HPS4: variants seen among roughly 807,000 people sequenced by gnomAD.
The protein encoded by HPS4 is HPS4 biogenesis of lysosomal organelles complex 3 subunit 2, also known as BLOC-3 complex member HPS4.
In HPS4, 44 loss-of-function variants were observed where a neutral mutation model predicts 70.3. The observed-to-expected ratio is 0.63, with a 90% confidence interval of 0.49 to 0.80. HPS4 has a LOEUF of 0.80. HPS4 is among the 30% of genes least tolerant of loss of function. HPS4 has a pLI of 0.00. For missense variants in HPS4, 873 were observed against 884.4 expected, an observed-to-expected ratio of 0.99 and a Z score of 0.16; for synonymous variants, 377 against 355.9, an observed-to-expected ratio of 1.06 and a Z score of -0.67.
rs1006587678 is a variant in HPS4, at chr22:26,451,536, T to C, written c.*1697A>G. ...AATCCAGGTGCATGAGACTTTTCCA[T>C]ATACACGGATAGGCTTTGTACGGTT... is the stretch of plus-strand genomic sequence containing the variant. On this transcript the variant is annotated 3_prime_UTR_variant, in exon 14 of 14. Coordinates refer to ENST00000398145, the MANE Select transcript of HPS4 (RefSeq NM_022081.6). 6.6e-6 allele frequency: 1 copy of C among 152,202 alleles called. No homozygotes were observed. The allele number at this position is 152,202 out of a possible 1,614,324, so 9.4% of individuals were successfully genotyped here. A position where few individuals can be genotyped will look rare whatever the true frequency, so the allele number is the denominator to read the frequency against.
intron 7 of HPS4, among the ~76,000 whole-genome samples, chr22:26,469,433 G>GC (rs1434995776): frequency 7.2e-5 from 11 of 152,066 alleles, no homozygotes; most frequent in Admixed American, 5.9e-4. Context: ...GGGCAACAAA[G>GC]CAAGACTGTG....
intron 6 of HPS4, 77 bp downstream of exon 6, chr22:26,472,225 C>A (rs1038131874): frequency 2.3e-5 from 21 of 919,960 alleles, no homozygotes; most frequent in Non-Finnish European, 3.8e-5. Flanking sequence ...AGATATAGTT[C>A]ACTTCAGGAA....
At chr22:26,466,539 T>C (rs2088657235) in intron 8 of HPS4, 1 of 560,934 alleles carries the variant, frequency 1.8e-6, no homozygotes. Flanking sequence ...ATTTTCTCAG[T>C]CTCTCTCCCT....
Position 26,481,717 on chromosome 22 carries a change from C to T in HPS4, c.41+5G>A, listed in dbSNP as rs779915694. On this transcript the variant is annotated splice_donor_5th_base_variant and intron_variant, in intron 2 of 13. Coordinates refer to ENST00000398145, the MANE Select transcript of HPS4 (RefSeq NM_022081.6). ...AGCTATGCCATGGCAGGCCTTGTTA[C>T]TCACCACGAGGCTGACTTTGCCTCT... 4.3e-6 allele frequency: 7 copies of T among 1,613,886 alleles called. No homozygotes were observed. Among genetic ancestry groups the T allele is most frequent in the Non-Finnish European group, 5.9e-6 (7 of 1,179,822 alleles).
chr22:26,464,692 G>T lies in HPS4; in HGVS notation c.938C>A (p.Ser313Tyr), dbSNP rs778237328. The T allele has an allele frequency of 1.2e-6, 2 of 1,609,486 alleles. No individual in the cohort carries two copies. The highest frequency in any genetic ancestry group is 1.7e-6 in the Non-Finnish European group (2 of 1,176,516). Residue 313 changes from serine to tyrosine, a missense_variant, in exon 11 of 14, where the codon TCC (serine) becomes TAC (tyrosine). Transcript: ENST00000398145. ...SMAWTTPDPT[S>Y]PDEACPDGRK... ...GCCATCTGGACAAGCTTCGTCAGGG[G>T]ATGTGGGATCTGGGGTGGTCCAGGC... is the stretch of plus-strand genomic sequence containing the variant.
At chr22:26,479,892 CG>C (rs1174127153) in intron 2 of HPS4, among the ~76,000 whole-genome samples, 1 of 152,080 alleles carries the variant, frequency 6.6e-6, no homozygotes, top group African/African-American at 2.4e-5. Flanking sequence ...TCCAAAAGTT[CG>C]TAACAGGGAA....
At position 26,451,994 on chromosome 22, in the gene HPS4, GCGCGCGCGCGCACACACACACACACA is replaced by G. The variant is rs1348248444; in HGVS notation, c.*1213_*1238del. 39 of 71,846 alleles carry G rather than the reference GCGCGCGCGCGCACACACACACACACA, an allele frequency of 5.4e-4. No individual in the cohort carries two copies. Among genetic ancestry groups the G allele is most frequent in the African/African-American group, 1.8e-3 (33 of 18,032 alleles). 4.5% of individuals were successfully genotyped at this position (71,846 alleles called of 1,614,324 possible). A position where few individuals can be genotyped will look rare whatever the true frequency, so the allele number is the denominator to read the frequency against. ...AGGGATGCGCCCACGTTACGCGCGC[GCGCGCGCGCGCACACACACACACACA>G]CACACACACACACACACACACACTG... On this transcript the variant is annotated 3_prime_UTR_variant, in exon 14 of 14. Coordinates refer to ENST00000398145, the MANE Select transcript of HPS4 (RefSeq NM_022081.6).
chr22:26,466,161 G>T (rs1265335049), intron 9 of HPS4, 65 bp downstream of exon 9: 6 of 1,610,824 alleles, frequency 3.7e-6, no homozygotes, highest in Non-Finnish European at 5.1e-6. Flanking sequence ...CGCATAACTT[G>T]TACAGGGGTA....
In HPS4 at chr22:26,477,062, G is replaced by A. The variant is rs1215916691; in HGVS notation, c.207C>T (p.Asp69=). ...TCAGACGAACAAGAGTAGGAGGAGA[G>A]TCAGAAATGTCAGAAACACAGCGGA... is the stretch of plus-strand genomic sequence containing the variant. ...GVVRCVSDIS[D]SPPTLVRLRK... The change falls in exon 4 of 14, where the codon GAC becomes GAT. Residue 69 remains aspartate, a synonymous_variant. Coordinates refer to ENST00000398145, the MANE Select transcript of HPS4 (RefSeq NM_022081.6). 2 of 1,614,026 alleles carry A rather than the reference G, an allele frequency of 1.2e-6. No individual in the cohort carries two copies. The highest frequency in any genetic ancestry group is 1.7e-6 in the Non-Finnish European group (2 of 1,179,968).
chr22:26,458,337 C>T, intron 12 of HPS4, 108 bp downstream of exon 12: 1 of 1,423,788 alleles, frequency 7.0e-7, no homozygotes, highest in Non-Finnish European at 9.9e-7. Flanking sequence ...GCAGGTCAGA[C>T]AACTCTGTGC....
intron 9 of HPS4, 154 bp from the exon 10 acceptor site, chr22:26,465,705 T>G: frequency 4.6e-6 from 3 of 656,134 alleles, no homozygotes; most frequent in South Asian, 3.5e-5. Context: ...GTTGCCAAAC[T>G]GCACCTCGAA....
chr22:26,448,707 A>G (rs1053258288), downstream of HPS4, among the ~76,000 whole-genome samples: 10 of 152,350 alleles, frequency 6.6e-5, no homozygotes, highest in Non-Finnish European at 1.3e-4. Flanking sequence ...CAGGGGAAGT[A>G]CAGCTAATTT....
chr22:26,445,693 C>T (rs2084930693), intron 3 of HPS4, among the ~76,000 whole-genome samples: 1 of 152,210 alleles, frequency 6.6e-6, no homozygotes, highest in Non-Finnish European at 1.5e-5. Context: ...GGGCACTCAA[C>T]AACCTTGTTT....
intron 7 of HPS4, among the ~76,000 whole-genome samples, chr22:26,469,759 A>C (rs2089467790): frequency 6.6e-6 from 1 of 152,088 alleles, no homozygotes; most frequent in Non-Finnish European, 1.5e-5. Flanking sequence ...AGGGGAAAAA[A>C]AATACTGTCT....
At chr22:26,471,417 T>C in intron 6 of HPS4, 1 of 456,248 alleles carries the variant, frequency 2.2e-6, no homozygotes, top group Non-Finnish European at 4.4e-6. Context: ...CATCTGGACC[T>C]GGTCAGGAAG....
chr22:26,450,927 C>T lies in HPS4; in HGVS notation c.*2306G>A, dbSNP rs938176306. On this transcript the variant is annotated 3_prime_UTR_variant, in exon 14 of 14. Transcript: ENST00000398145. ...GTCTCGGGTATGTCTTTATTAGAAC[C>T]GTGAGAACGGACTAACACACCACTA... Among the ~76,000 whole-genome samples, 3 of 152,190 alleles carry T rather than the reference C, an allele frequency of 2.0e-5. No individual in the cohort carries two copies. Among genetic ancestry groups the T allele is most frequent in the Non-Finnish European group, 4.4e-5 (3 of 68,036 alleles).
At chr22:26,473,766 T>C (rs2090164583) in intron 4 of HPS4, among the ~76,000 whole-genome samples, 1 of 151,544 alleles carries the variant, frequency 6.6e-6, no homozygotes, top group Non-Finnish European at 1.5e-5. Flanking sequence ...ACTTGCTGAG[T>C]TAGAAAGTTA....
chr22:26,447,275 A>G (rs1250075646), downstream of HPS4, among the ~76,000 whole-genome samples: 1 of 152,168 alleles, frequency 6.6e-6, no homozygotes, highest in Admixed American at 6.5e-5. Context: ...AGGTGAAGGG[A>G]AAGAAGCTGA....
intron 11 of HPS4, among the ~76,000 whole-genome samples, chr22:26,461,138 C>T (rs1380021255): frequency 2.0e-5 from 3 of 152,246 alleles, no homozygotes; most frequent in Non-Finnish European, 4.4e-5. Flanking sequence ...GCACAAATGT[C>T]AGTGTGTGAC....
Sources: gnomAD v4.1 joint callset for allele counts (sites outside exome capture counted in the v4.1 genomes callset) on GRCh38, gnomAD v4.1.1 for gene constraint, MANE v1.5 for transcripts, NCBI Gene and HGNC (gene_info 2026-07-23, HGNC 2026-07-21) for gene names.